Variants in FAT3 observed in about 807,000 individuals in gnomAD.
The protein encoded by FAT3 is FAT atypical cadherin 3.
Under a neutral mutation model 310.2 loss-of-function variants are expected in FAT3, and 95 were observed. That is an observed-to-expected ratio of 0.31 (90% CI 0.26 to 0.36). The LOEUF is 0.36. FAT3 is among the 10% of genes least tolerant of loss of function. The pLI, the probability that FAT3 is intolerant of heterozygous loss-of-function variation, is 1.00. For missense variants in FAT3, 5,408 were observed against 5,715.6 expected (o/e 0.95, Z 1.74); for synonymous variants, 2,314 against 2,192.9 (o/e 1.06, Z -1.54).
intron 3 of FAT3, among the ~76,000 whole-genome samples, chr11:92,615,686 T>C (rs1015200896): frequency 6.6e-6 from 1 of 152,234 alleles, no homozygotes; most frequent in Non-Finnish European, 1.5e-5. Flanking sequence ...GTCTTTGTTC[T>C]CATTGGTTTC....
intron 3 of FAT3, among the ~76,000 whole-genome samples, chr11:92,546,950 C>T (rs1221586083): frequency 6.6e-6 from 1 of 152,128 alleles, no homozygotes; most frequent in Non-Finnish European, 1.5e-5. Context: ...AAAACGAATT[C>T]AATTAGATTA....
intron 3 of FAT3, among the ~76,000 whole-genome samples, chr11:92,676,229 C>T (rs1010889719): frequency 6.6e-6 from 1 of 152,118 alleles, no homozygotes; most frequent in Non-Finnish European, 1.5e-5. Context: ...CAGCAGAGGA[C>T]AGGATAAGGC....
At chr11:92,780,474 A>C (rs143925417) in intron 7 of FAT3, among the ~76,000 whole-genome samples, 128 of 152,162 alleles carry the variant, frequency 8.4e-4, no homozygotes, top group African/African-American at 2.4e-3. Flanking sequence ...GCCTATAGTA[A>C]CTTTTTATGA....
intron 1 of FAT3, among the ~76,000 whole-genome samples, chr11:92,345,907 T>TC (rs1395957003): frequency 2.0e-5 from 3 of 152,218 alleles, no homozygotes; most frequent in Non-Finnish European, 4.4e-5. Context: ...TCCCTTTGGC[T>TC]ATAAAACTCA....
rs1485044522 is a variant in FAT3 at position 92,883,086 on chromosome 11, G to A, written c.12630G>A (p.Arg4210=). The change falls in exon 24 of 28, where the codon CGG becomes CGA. Residue 4210 remains arginine, a synonymous_variant. Coordinates refer to ENST00000525166, the MANE Select transcript of FAT3 (RefSeq NM_001367949.2). The surrounding 1 kb of genome is among the most constrained non-coding windows in gnomAD (Gnocchi z 4.2). The part of the protein sequence containing the change: ...LLNKSNGIPF[R]NLRGSGDGRN... ...ACAAGAGCAATGGCATCCCGTTCCG[G>A]AACCTGCGCGGCAGTGGGGACGGCC... 1.2e-6 allele frequency: 2 copies of A among 1,613,744 alleles called. No individual in the cohort carries two copies. The highest frequency in any genetic ancestry group is 1.3e-5 in the African/African-American group (1 of 74,948).
chr11:92,295,788 CT>C (rs1946832701), intron 1 of FAT3, among the ~76,000 whole-genome samples: 1 of 152,034 alleles, frequency 6.6e-6, no homozygotes, highest in African/African-American at 2.4e-5. Context: ...TTGACTTTTT[CT>C]TTTACACAAC....
At chr11:92,791,772 T>C (rs1387477479) in intron 8 of FAT3, among the ~76,000 whole-genome samples, 2 of 152,210 alleles carry the variant, frequency 1.3e-5, no homozygotes, top group East Asian at 3.8e-4. Context: ...ATTTGATTAG[T>C]GCTACATCAA....
At chr11:92,665,475 TAGTAATAGCA>T (rs750096232) in intron 3 of FAT3, among the ~76,000 whole-genome samples, 6 of 152,194 alleles carry the variant, frequency 3.9e-5, no homozygotes, top group Non-Finnish European at 8.8e-5. Context: ...TAGGAAAGAC[TAGTAATAGCA>T]AGAATTATAT....
intron 4 of FAT3, among the ~76,000 whole-genome samples, chr11:92,730,456 A>G (rs930126615): frequency 6.6e-6 from 1 of 152,192 alleles, no homozygotes; most frequent in African/African-American, 2.4e-5. Flanking sequence ...TTATTTGGCT[A>G]TTTGGAAGGT....
intron 3 of FAT3, among the ~76,000 whole-genome samples, chr11:92,615,667 G>C (rs1440163872): frequency 6.6e-6 from 1 of 152,150 alleles, no homozygotes; most frequent in Non-Finnish European, 1.5e-5. Flanking sequence ...AGAGATTCTG[G>C]TATGTTGTGT....
intron 1 of FAT3, among the ~76,000 whole-genome samples, chr11:92,280,338 GT>G (rs151114872): frequency 0.015 from 2,208 of 152,170 alleles, 59 homozygotes; most frequent in African/African-American, 0.05. Flanking sequence ...TTTGGAAAAA[GT>G]TTTTAAAAAA....
At chr11:92,249,650 A>G (rs182124748) in intron 1 of FAT3, among the ~76,000 whole-genome samples, 92 of 152,202 alleles carry the variant, frequency 6.0e-4, no homozygotes, top group Admixed American at 1.5e-3. Flanking sequence ...AAAGAACTTC[A>G]TATTCCCTCC....
At chr11:92,341,581 C>A (rs981037182) in intron 1 of FAT3, among the ~76,000 whole-genome samples, 1 of 152,204 alleles carries the variant, frequency 6.6e-6, no homozygotes, top group Non-Finnish European at 1.5e-5. Flanking sequence ...TGTCAGCAAA[C>A]TTTTGGATTG....
Position 92,568,378 on chromosome 11 carries a change from T to A in FAT3, c.3607+43430T>A, listed in dbSNP as rs1188252321. Among the ~76,000 whole-genome samples, 5 of 127,296 alleles carry A rather than the reference T, an allele frequency of 3.9e-5. No individual in the cohort carries two copies. In the East Asian group the frequency reaches 1.3e-3, roughly 33 times the overall value. The allele number at this position is 127,296 out of a possible 152,430, so 83.5% of individuals were successfully genotyped here. The stretch of plus-strand genomic sequence containing the variant: ...CAATATTTGTAGTATCCCGATGGCA[T>A]GATGAGATAGTGGAAGTAGACTAGT... On this transcript the variant is annotated intron_variant, in intron 3 of 27. Transcript: ENST00000525166.
chr11:92,423,947 C>T (rs902813005), intron 2 of FAT3, among the ~76,000 whole-genome samples: 1 of 152,160 alleles, frequency 6.6e-6, no homozygotes, highest in Admixed American at 6.6e-5. Flanking sequence ...ACAGTAATAT[C>T]TAGACTAGTG....
chr11:92,871,001 AG>A (rs1193783081), intron 22 of FAT3, among the ~76,000 whole-genome samples: 1 of 152,178 alleles, frequency 6.6e-6, no homozygotes, highest in African/African-American at 2.4e-5. Context: ...AGTATCACAT[AG>A]CTAGTAAAGT....
chr11:92,468,900 T>A (rs1408624636), intron 2 of FAT3, among the ~76,000 whole-genome samples: 1 of 152,202 alleles, frequency 6.6e-6, no homozygotes, highest in African/African-American at 2.4e-5. Context: ...GTGGATAATT[T>A]TAGAAGCCCT....
Position 92,896,201 on chromosome 11 carries a change from T to C in FAT3, c.*5088T>C, listed in dbSNP as rs1331309325. The C allele has an allele frequency of 6.6e-6, 1 of 151,896 alleles. No individual in the cohort carries two copies. Among genetic ancestry groups the C allele is most frequent in the Non-Finnish European group, 1.5e-5 (1 of 68,018 alleles). 9.4% of individuals were successfully genotyped at this position (151,896 alleles called of 1,614,324 possible). A position where few individuals can be genotyped will look rare whatever the true frequency, so the allele number is the denominator to read the frequency against. On this transcript the variant is annotated 3_prime_UTR_variant, in exon 28 of 28. Transcript: ENST00000525166. ...CACACACATCACACACCAAACCTTA[T>C]GCAAAGGGGAAAGCTAACACTTAGA...
At chr11:92,775,243 AT>A (rs1444112822) in intron 7 of FAT3, among the ~76,000 whole-genome samples, 1 of 152,198 alleles carries the variant, frequency 6.6e-6, no homozygotes, top group East Asian at 1.9e-4. Context: ...TTCATCTTAA[AT>A]ATGATGTAAG....
Sources: allele counts gnomAD v4.1 joint callset (sites outside exome capture counted in the v4.1 genomes callset), GRCh38; gene constraint gnomAD v4.1.1; non-coding constraint Gnocchi (gnomAD v3.1); transcripts MANE v1.5; gene names NCBI Gene and HGNC (gene_info 2026-07-23, HGNC 2026-07-21).